Variants in WDR77 observed in about 807,000 individuals in gnomAD.
WDR77 encodes WD repeat domain 77.
A neutral mutation model predicts 44.0 loss-of-function variants in WDR77; 31 were observed. The observed-to-expected ratio is 0.70, with a 90% confidence interval of 0.53 to 0.95. WDR77 has a LOEUF of 0.95. Ranked by LOEUF, WDR77 falls within the 40% of genes least tolerant of loss-of-function variation. The pLI is 0.00. For synonymous variants in WDR77, 186 were observed against 165.7 expected (o/e 1.12, Z -0.94); for missense variants, 390 against 423.9 (o/e 0.92, Z 0.70).
In WDR77 at chr1:111,442,721, A is replaced by G. The variant is rs987812502; in HGVS notation, c.732T>C (p.Ser244=). The G allele has an allele frequency of 3.1e-6, 5 of 1,600,062 alleles. No homozygotes were observed. In the African/African-American group the frequency reaches 6.7e-5, roughly 21 times the overall value. The part of the protein sequence containing the change: ...NGTVSLVDTK[S]TSCVLSSAVH... The stretch of plus-strand genomic sequence containing the variant: ...CAGCTGAGCTCAGGACACAGCTTGT[A>G]CTCTTGGTGTCCACAAGGGAGACTG... The change falls in exon 8 of 10, where the codon AGT becomes AGC. Residue 244 remains serine (S), a synonymous_variant. Transcript: ENST00000235090.
chr1:111,441,655 G>A (rs1432615004), intron 9 of WDR77: 2 of 1,181,546 alleles, frequency 1.7e-6, no homozygotes. Context: ...GCAAATCACG[G>A]CAAGGAGGGA....
chr1:111,447,267 G>A, intron 3 of WDR77, 123 bp from the exon 4 acceptor site: 1 of 1,461,718 alleles, frequency 6.8e-7, no homozygotes, highest in Non-Finnish European at 9.5e-7. Flanking sequence ...CTGCTGCTAT[G>A]GTCTACTTAC....
At chr1:111,448,847 T>C (rs2101750287) in intron 1 of WDR77, 43 bp from the exon 2 acceptor site, 1 of 1,551,792 alleles carries the variant, frequency 6.4e-7, no homozygotes, top group Non-Finnish European at 8.7e-7. Flanking sequence ...GGTAGAAGGG[T>C]TCGCCTCCAT....
In WDR77 at chr1:111,448,799, C is replaced by A. The variant is rs1653170619; in HGVS notation, c.121G>T (p.Ala41Ser). The A allele has an allele frequency of 6.3e-7, 1 of 1,576,612 alleles. No homozygotes were observed. The highest frequency in any genetic ancestry group is 8.6e-7 in the Non-Finnish European group (1 of 1,160,472). Residue 41 changes from alanine (A) to serine (S), a missense_variant, in exon 2 of 10, where the codon GCG becomes TCG. Ala to Ser is a moderately conservative substitution (Grantham distance 99). Coordinates refer to ENST00000235090, the MANE Select transcript of WDR77 (RefSeq NM_024102.4). ...AGGCTGGAGGCCCCGAGGAGAAGCG[C>A]CCCATCTACGGGGGGTACAAGCTGT... The part of the protein sequence containing the change: ...LEAARYRSDG[A>S]LLLGASSLSG...
rs1471016192 is a variant in WDR77 at position 111,442,838 on chromosome 1, G to A, written c.692-77C>T. On this transcript the variant is annotated intron_variant, in intron 7 of 9. Coordinates refer to ENST00000235090, the MANE Select transcript of WDR77 (RefSeq NM_024102.4). ...CCAAAGACTTGAATCCTAGTTCCTCGAGCTTGTAAAAGTTAACCATTCTGA... is the reference window on the plus strand; with the variant it reads ...CCAAAGACTTGAATCCTAGTTCCTCAAGCTTGTAAAAGTTAACCATTCTGA... 8 of 1,059,628 alleles carry A rather than the reference G, an allele frequency of 7.5e-6. No individual in the cohort carries two copies. In the African/African-American group the frequency reaches 8.1e-5, roughly 11 times the overall value. 65.6% of individuals were successfully genotyped at this position (1,059,628 alleles called of 1,614,324 possible).
At chr1:111,447,872 T>C (rs1247504045) in intron 2 of WDR77, among the ~76,000 whole-genome samples, 1 of 152,136 alleles carries the variant, frequency 6.6e-6, no homozygotes. Context: ...ATATGGAAAA[T>C]GAGCTGCAAG....
intron 1 of WDR77, 24 bp from the exon 2 acceptor site, chr1:111,448,828 C>T (rs1375124187): frequency 3.2e-6 from 5 of 1,557,306 alleles, no homozygotes; most frequent in Admixed American, 3.9e-5. Flanking sequence ...AAGCTGTCAG[C>T]GCGTGAAGGG....
chr1:111,446,894 C>T (rs1161183897), intron 4 of WDR77: 1 of 593,706 alleles, frequency 1.7e-6, no homozygotes. Flanking sequence ...CACTACTGCA[C>T]TTGACTAGTC....
In WDR77 at chr1:111,449,235, A is replaced by T. The variant is rs1188794638; in HGVS notation, c.-66T>A. 2.6e-6 allele frequency: 4 copies of T among 1,535,330 alleles called. No homozygotes were observed. The highest frequency in any genetic ancestry group is 2.6e-6 in the Non-Finnish European group (3 of 1,146,406). On this transcript the variant is annotated 5_prime_UTR_variant, in exon 1 of 10. Transcript: ENST00000235090. ...CGGCCGGAGACTCCGCTCCGGCAGC[A>T]AACCCCACGTGGTGCACCTCTGAGC... is the stretch of plus-strand genomic sequence containing the variant.
intron 3 of WDR77, 37 bp from the exon 4 acceptor site, chr1:111,447,181 C>T: frequency 6.2e-7 from 1 of 1,610,720 alleles, no homozygotes; most frequent in Non-Finnish European, 8.5e-7. Flanking sequence ...TAATCTTGAC[C>T]TACACTATCA....
intron 4 of WDR77, among the ~76,000 whole-genome samples, chr1:111,444,513 G>C (rs966740957): frequency 2.6e-5 from 4 of 152,094 alleles, no homozygotes. Context: ...GGCGCTAATA[G>C]TATTAAGAGA....
intron 4 of WDR77, 109 bp downstream of exon 4, chr1:111,446,986 C>T (rs192166104): frequency 1.5e-5 from 17 of 1,139,818 alleles, no homozygotes; most frequent in Admixed American, 1.4e-4. Flanking sequence ...TATTGTTTTA[C>T]AAGAAAACTA....
intron 4 of WDR77, among the ~76,000 whole-genome samples, chr1:111,445,347 T>C (rs914341689): frequency 2.6e-5 from 4 of 152,182 alleles, no homozygotes; most frequent in African/African-American, 4.8e-5. Flanking sequence ...CTAGAATTCA[T>C]AGAAAGCCAA....
intron 4 of WDR77, among the ~76,000 whole-genome samples, chr1:111,445,072 T>C (rs755730933): frequency 6.6e-6 from 1 of 152,234 alleles, no homozygotes; most frequent in Non-Finnish European, 1.5e-5. Context: ...CAATAAATTA[T>C]ATGCCAGAAA....
chr1:111,449,139 G>C lies in WDR77; in HGVS notation c.31C>G (p.Pro11Ala), dbSNP rs1653197600. 6.3e-7 allele frequency: 1 copy of C among 1,594,998 alleles called. No individual in the cohort carries two copies. Among genetic ancestry groups the C allele is most frequent in the Admixed American group, 1.7e-5 (1 of 58,748 alleles). ...AGATTCCACTCCCGGGCCGCCGGGG[G>C]CACTAGGGGGGGTGGGGTTTCCTTC... MRKETPPPLV[P>A]PAAREWNLPP... Residue 11 changes from proline (P) to alanine (A), a missense_variant, in exon 1 of 10, where the codon CCC becomes GCC. Physicochemically the swap from Pro to Ala is conservative, Grantham distance 27. Coordinates refer to ENST00000235090, the MANE Select transcript of WDR77 (RefSeq NM_024102.4).
intron 1 of WDR77, 106 bp downstream of exon 1, chr1:111,448,949 G>A: frequency 6.5e-7 from 1 of 1,539,050 alleles, no homozygotes; most frequent in Admixed American, 2.0e-5. Flanking sequence ...CGCGACCCAG[G>A]GTCAGGATAA....
At chr1:111,448,991 G>A in intron 1 of WDR77, 64 bp downstream of exon 1, 2 of 1,541,816 alleles carry the variant, frequency 1.3e-6, no homozygotes, top group Non-Finnish European at 1.7e-6. Flanking sequence ...GGGAGGGTCA[G>A]TCTCCGGGGA....
intron 3 of WDR77, 100 bp downstream of exon 3, chr1:111,447,335 T>G: frequency 6.4e-7 from 1 of 1,552,472 alleles, no homozygotes; most frequent in Non-Finnish European, 8.8e-7. Flanking sequence ...AGTCACTGGA[T>G]TCTTAGAATA....
Position 111,446,640 on chromosome 1 carries a change from C to T in WDR77, c.493+455G>A, listed in dbSNP as rs575004505. ...GTAAGGTAAAGCCTGAAAGTGAATA[C>T]GGGCATAGAAATGGACAGGAAGGTG... is the stretch of plus-strand genomic sequence containing the variant. On this transcript the variant is annotated intron_variant, in intron 4 of 9. Transcript: ENST00000235090. Among the ~76,000 whole-genome samples the T allele has an allele frequency of 8.5e-5, 13 of 152,064 alleles. 2 individuals are homozygous for T. The highest frequency in any genetic ancestry group is 2.9e-4 in the African/African-American group (12 of 41,446).
Sources: gnomAD v4.1 joint callset for allele counts (sites outside exome capture counted in the v4.1 genomes callset) on GRCh38, gnomAD v4.1.1 for gene constraint, MANE v1.5 for transcripts, NCBI Gene and HGNC (gene_info 2026-07-23, HGNC 2026-07-21) for gene names.